Variants in TRIM66 observed in about 807,000 individuals in gnomAD.
TRIM66 encodes the protein tripartite motif-containing protein 66.
TRIM66 carries 99 observed loss-of-function variants against 148.2 expected under a neutral mutation model. That is an observed-to-expected ratio of 0.67 (90% confidence interval 0.57 to 0.79). The LOEUF (loss-of-function observed/expected upper bound fraction) is 0.79, where lower values mean the gene tolerates loss of function less well. Among genes scored for constraint, TRIM66 ranks in the 30% least tolerant of loss-of-function variants. The pLI, the probability that TRIM66 is intolerant of heterozygous loss-of-function variation, is 0.00. For synonymous variants in TRIM66, 616 were observed against 635.9 expected, an observed-to-expected ratio of 0.97 and a Z score of 0.47; for missense variants, 1,666 against 1,697.9, an observed-to-expected ratio of 0.98 and a Z score of 0.33.
intron 15 of TRIM66, among the ~76,000 whole-genome samples, chr11:8,626,743 A>G (rs755894642): frequency 5.2e-4 from 79 of 152,226 alleles, no homozygotes; most frequent in Non-Finnish European, 8.7e-4. Context: ...CATTCTTCTT[A>G]GAATAACTGC....
intron 13 of TRIM66, among the ~76,000 whole-genome samples, 166 bp downstream of exon 13, chr11:8,642,843 C>CAAAAAA (rs60432547): frequency 6.8e-4 from 50 of 73,230 alleles, no homozygotes; most frequent in East Asian, 1.9e-3. Context: ...TCTTCCCCCT[C>CAAAAAA]AAAAAAAAAA....
intron 3 of TRIM66, among the ~76,000 whole-genome samples, chr11:8,676,064 G>A (rs929736679): frequency 2.0e-5 from 3 of 152,148 alleles, no homozygotes; most frequent in Non-Finnish European, 4.4e-5. Flanking sequence ...AGTTTAACTT[G>A]CAACTCAATA....
chr11:8,618,958 T>A lies in TRIM66; in HGVS notation c.3911A>T (p.Glu1304Val), dbSNP rs1449493534. The A allele has an allele frequency of 6.4e-7, 1 of 1,551,338 alleles. No individual in the cohort carries two copies. The highest frequency in any genetic ancestry group is 2.4e-5 in the East Asian group (1 of 40,906). The change falls in exon 24 of 25, where the codon GAG becomes GTG. Residue 1304 changes from glutamate (E) to valine (V), a missense_variant. Physicochemically the swap from Glu to Val is moderately radical, Grantham distance 121. Around this residue, in one of 3 missense-constraint regions of TRIM66, gnomAD observed 204 missense variants for 231.0 expected, o/e 0.88. Transcript: ENST00000646038. ...CAGGCAGCGGCCAGCCTCTGCAACC[T>A]CGGAGTCAGGCTGATGGGGGAGGAG... Reference protein sequence around the residue: ...NCAKFNYPDSEVAEAGRCLEV... With the variant: ...NCAKFNYPDSVVAEAGRCLEV...
rs2033804882 is a variant in TRIM66, at chr11:8,617,651, G to A, written c.*293C>T. The A allele has an allele frequency of 5.1e-6, 2 of 390,718 alleles. 1 individual carries two copies. Among genetic ancestry groups the A allele is most frequent in the East Asian group, 8.0e-5 (2 of 24,868 alleles). 24.2% of individuals were successfully genotyped at this position (390,718 alleles called of 1,614,324 possible). A position where few individuals can be genotyped will look rare whatever the true frequency, so the allele number is the denominator to read the frequency against. ...GAAAAAAATTCACCAAGGAAAGTAG[G>A]TTTTCCCGAGCCTAACCAGGTGTGG... On this transcript the variant is annotated 3_prime_UTR_variant, in exon 25 of 25. Coordinates refer to ENST00000646038, the MANE Select transcript of TRIM66 (RefSeq NM_001388022.1).
At chr11:8,666,341 GAAAAA>G (rs558326812) in intron 6 of TRIM66, among the ~76,000 whole-genome samples, 4 of 23,540 alleles carry the variant, frequency 1.7e-4, no homozygotes, top group African/African-American at 2.8e-4. Context: ...CTCCGCCTCA[GAAAAA>G]AAAAAAAAAA....
chr11:8,629,812 G>A (rs562832196), intron 15 of TRIM66, among the ~76,000 whole-genome samples: 1 of 152,106 alleles, frequency 6.6e-6, no homozygotes, highest in Non-Finnish European at 1.5e-5. Context: ...ATCTCAAGGA[G>A]GCCAATGCTA....
intron 6 of TRIM66, among the ~76,000 whole-genome samples, chr11:8,663,584 G>T (rs2038401859): frequency 6.6e-6 from 1 of 152,128 alleles, no homozygotes; most frequent in African/African-American, 2.4e-5. Context: ...CAGGCTGTGA[G>T]TAACTAAAAA....
At chr11:8,675,200 G>A (rs539733438) in intron 3 of TRIM66, among the ~76,000 whole-genome samples, 4 of 152,242 alleles carry the variant, frequency 2.6e-5, no homozygotes, top group South Asian at 2.1e-4. Context: ...GAATCACCTC[G>A]AATCTCATCA....
Position 8,621,035 on chromosome 11 carries a change from G to C in TRIM66, c.3542C>G (p.Pro1181Arg). 1 of 1,551,240 alleles carries C rather than the reference G, an allele frequency of 6.4e-7. No individual in the cohort carries two copies. The highest frequency in any genetic ancestry group is 1.2e-5 in the South Asian group (1 of 83,984). Residue 1181 changes from proline to arginine, a missense_variant, in exon 20 of 25, where the codon CCA becomes CGA. By Grantham distance (103) the Pro-to-Arg change is moderately radical (BLOSUM62 -2). This residue lies in a region of TRIM66 where 31 missense variants were observed against 54.4 expected (regional missense o/e 0.57). Coordinates refer to ENST00000646038, the MANE Select transcript of TRIM66 (RefSeq NM_001388022.1). ...SCHVPALLSF[P>R]GGEWVCTLCR... ...GTCCTGGACTGGCATGACTCACCCT[G>C]GGAAGCTGAGCAAGGCTGGCACATG... is the stretch of plus-strand genomic sequence containing the variant.
intron 19 of TRIM66, 46 bp downstream of exon 19, chr11:8,621,599 C>T (rs1388201475): frequency 2.0e-6 from 3 of 1,474,026 alleles, no homozygotes; most frequent in Non-Finnish European, 2.7e-6. Flanking sequence ...AGAATAAGCT[C>T]TTAGGCTGGG....
At chr11:8,661,538 A>G (rs1238774417) in intron 6 of TRIM66, among the ~76,000 whole-genome samples, 1 of 152,184 alleles carries the variant, frequency 6.6e-6, no homozygotes, top group Non-Finnish European at 1.5e-5. Context: ...CTGGGCCTGG[A>G]GACAGAGAGT....
chr11:8,682,640 G>A lies in TRIM66; in HGVS notation c.-587C>T, dbSNP rs986985401. 12 of 723,686 alleles carry A rather than the reference G, an allele frequency of 1.7e-5. No individual in the cohort carries two copies. Among genetic ancestry groups the A allele is most frequent in the East Asian group, 1.0e-4 (4 of 38,422 alleles). The allele number at this position is 723,686 out of a possible 1,614,324, so 44.8% of individuals were successfully genotyped here. A position where few individuals can be genotyped will look rare whatever the true frequency, so the allele number is the denominator to read the frequency against. Reference sequence around the variant, plus strand: ...GCCACCAGGACACTCCGTGATGGGGGATCACCACCCTCAGAAAGAGGAAGC... The same window carrying A: ...GCCACCAGGACACTCCGTGATGGGGAATCACCACCCTCAGAAAGAGGAAGC... On this transcript the variant is annotated 5_prime_UTR_variant, in exon 1 of 25. Coordinates refer to ENST00000646038, the MANE Select transcript of TRIM66 (RefSeq NM_001388022.1).
rs1479460041 is a variant in TRIM66 at position 8,618,895 on chromosome 11, G to A, written c.3974C>T (p.Pro1325Leu). 2.6e-5 allele frequency: 40 copies of A among 1,551,180 alleles called. No homozygotes were observed. The highest frequency in any genetic ancestry group is 7.3e-5 in the East Asian group (3 of 40,914). ...CCTTGGCTGGGCAAACCGTTTCTCC[G>A]GGTAGATCTCCTTCAACCAGCCCTC... ...FFEGWLKEIYPEKRFAQPRQE... is the reference protein window; with the variant it reads ...FFEGWLKEIYLEKRFAQPRQE... The change falls in exon 24 of 25, where the codon CCG becomes CTG. Residue 1325 changes from proline (P) to leucine (L), a missense_variant. Coordinates refer to ENST00000646038, the MANE Select transcript of TRIM66 (RefSeq NM_001388022.1).
At chr11:8,647,025 T>G (rs1327665084) in intron 10 of TRIM66, among the ~76,000 whole-genome samples, 1 of 149,560 alleles carries the variant, frequency 6.7e-6, no homozygotes, top group African/African-American at 2.4e-5. Context: ...TAATAACATA[T>G]TATATAATAA....
chr11:8,652,033 C>T (rs916108360), intron 6 of TRIM66, 130 bp from the exon 7 acceptor site: 82 of 690,198 alleles, frequency 1.2e-4, no homozygotes, highest in Middle Eastern at 3.2e-4. Flanking sequence ...ATGAACTACA[C>T]TTGATGCCAT....
chr11:8,676,278 TAAG>T (rs1166807620), intron 3 of TRIM66, among the ~76,000 whole-genome samples: 1 of 151,910 alleles, frequency 6.6e-6, no homozygotes, highest in Non-Finnish European at 1.5e-5. Context: ...GTAAAGAATA[TAAG>T]GTTTTGTTCC....
At chr11:8,682,336 G>A (rs2039475964) in intron 1 of TRIM66, 2 of 161,314 alleles carry the variant, frequency 1.2e-5, no homozygotes, top group Admixed American at 6.3e-5. Flanking sequence ...GTTCCGCACT[G>A]CGGCCGGGAG....
intron 6 of TRIM66, among the ~76,000 whole-genome samples, chr11:8,668,264 G>GTT (rs138176572): frequency 4.8e-5 from 7 of 145,848 alleles, no homozygotes; most frequent in Middle Eastern, 3.5e-3. Context: ...TTAAAATCAG[G>GTT]TTTTTTTTTT....
At chr11:8,621,523 GC>G in intron 19 of TRIM66, 121 bp downstream of exon 19, 1 of 1,350,844 alleles carries the variant, frequency 7.4e-7, no homozygotes, top group Non-Finnish European at 9.8e-7. Flanking sequence ...ACAACGTCTG[GC>G]CAAGCTGCAG....
Sources: allele counts gnomAD v4.1 joint callset (sites outside exome capture counted in the v4.1 genomes callset), GRCh38; gene constraint gnomAD v4.1.1; regional missense constraint gnomAD v4.1.1; transcripts MANE v1.5; gene names NCBI Gene and HGNC (gene_info 2026-07-23, HGNC 2026-07-21).